ST8SIA3: variants seen among roughly 807,000 people sequenced by gnomAD.
ST8SIA3 encodes ST8 alpha-N-acetyl-neuraminide alpha-2,8-sialyltransferase 3.
A neutral mutation model predicts 34.5 loss-of-function variants in ST8SIA3; 17 were observed. The observed-to-expected ratio is 0.49, with a 90% confidence interval of 0.34 to 0.74. The LOEUF (loss-of-function observed/expected upper bound fraction) is 0.74. Among genes scored for constraint, ST8SIA3 ranks in the 30% least tolerant of loss-of-function variants. ST8SIA3 has a pLI of 0.01. For missense variants in ST8SIA3, 354 were observed against 467.8 expected, an observed-to-expected ratio of 0.76 and a Z score of 2.24; for synonymous variants, 172 against 176.1, an observed-to-expected ratio of 0.98 and a Z score of 0.19.
chr18:57,364,562 C>G lies in ST8SIA3; in HGVS notation c.*4285C>G, dbSNP rs546970507. On this transcript the variant is annotated 3_prime_UTR_variant, in exon 4 of 4. Transcript: ENST00000324000. Reference sequence around the variant, plus strand: ...TAGGCACAAGTTTCTGTTTAAGCCTCTGCTTCTCCCTGAATGTGTAGAACT... The same window carrying G: ...TAGGCACAAGTTTCTGTTTAAGCCTGTGCTTCTCCCTGAATGTGTAGAACT... The G allele has an allele frequency of 6.6e-6, 1 of 152,346 alleles. No individual in the cohort carries two copies. The highest frequency in any genetic ancestry group is 6.5e-5 in the Admixed American group (1 of 15,308). The allele number at this position is 152,346 out of a possible 1,614,324, so 9.4% of individuals were successfully genotyped here. A position where few individuals can be genotyped will look rare whatever the true frequency, so the allele number is the denominator to read the frequency against.
At position 57,360,474 on chromosome 18, in the gene ST8SIA3, G is replaced by T. The variant is rs1159549167; in HGVS notation, c.*197G>T. 1.7e-6 allele frequency: 1 copy of T among 583,208 alleles called. No homozygotes were observed. The highest frequency in any genetic ancestry group is 3.1e-5 in the Admixed American group (1 of 32,316). The allele number at this position is 583,208 out of a possible 1,614,324, so 36.1% of individuals were successfully genotyped here. A position where few individuals can be genotyped will look rare whatever the true frequency, so the allele number is the denominator to read the frequency against. On this transcript the variant is annotated 3_prime_UTR_variant, in exon 4 of 4. Coordinates refer to ENST00000324000, the MANE Select transcript of ST8SIA3 (RefSeq NM_015879.3). Reference sequence around the variant, plus strand: ...AGGACAGATGCATTGAAGCCACATGGTTTAGACTTGATTGATAAAGGGAAT... The same window carrying T: ...AGGACAGATGCATTGAAGCCACATGTTTTAGACTTGATTGATAAAGGGAAT...
Position 57,352,810 on chromosome 18 carries a change from G to A in ST8SIA3, c.-37G>A, listed in dbSNP as rs768070918. 11 of 1,597,586 alleles carry A rather than the reference G, an allele frequency of 6.9e-6. No individual in the cohort carries two copies. Among genetic ancestry groups the A allele is most frequent in the South Asian group, 1.1e-5 (1 of 90,694 alleles). ...CGAGCTGCTGGCCGCTCAATGGACC[G>A]ATTTCCCCGGTTTCCCTGAACCCAG... On this transcript the variant is annotated 5_prime_UTR_variant, in exon 1 of 4. Coordinates refer to ENST00000324000, the MANE Select transcript of ST8SIA3 (RefSeq NM_015879.3).
rs911897911 is a variant in ST8SIA3, at chr18:57,363,457, G to A, written c.*3180G>A. 2 of 152,308 alleles carry A rather than the reference G, an allele frequency of 1.3e-5. No individual in the cohort carries two copies. Among genetic ancestry groups the A allele is most frequent in the Non-Finnish European group, 2.9e-5 (2 of 68,076 alleles). The allele number at this position is 152,308 out of a possible 1,614,324, so 9.4% of individuals were successfully genotyped here. ...AGTGCTGTATGTTTAGTAGTGTTGT[G>A]TGCCTGGCAGTGCTGACTATGACTA... On this transcript the variant is annotated 3_prime_UTR_variant, in exon 4 of 4. Coordinates refer to ENST00000324000, the MANE Select transcript of ST8SIA3 (RefSeq NM_015879.3).
In ST8SIA3 at chr18:57,365,871, A is replaced by G. The variant is rs1198155992; in HGVS notation, c.*5594A>G. 1.3e-5 allele frequency: 2 copies of G among 152,210 alleles called. No individual in the cohort carries two copies. Among genetic ancestry groups the G allele is most frequent in the East Asian group, 3.8e-4 (2 of 5,200 alleles). The allele number at this position is 152,210 out of a possible 1,614,324, so 9.4% of individuals were successfully genotyped here. ...TGCACATAGAAAGGCTTTAGACAAC[A>G]GTGATACCAAAGGGTTCCTTTGATT... On this transcript the variant is annotated 3_prime_UTR_variant, in exon 4 of 4. Coordinates refer to ENST00000324000, the MANE Select transcript of ST8SIA3 (RefSeq NM_015879.3).
Position 57,360,447 on chromosome 18 carries a change from GCAGGA to G in ST8SIA3, c.*174_*178del. 5.8e-6 allele frequency: 4 copies of G among 690,430 alleles called. No individual in the cohort carries two copies. Among genetic ancestry groups the G allele is most frequent in the Non-Finnish European group, 7.1e-6 (3 of 422,242 alleles). 42.8% of individuals were successfully genotyped at this position (690,430 alleles called of 1,614,324 possible). A position where few individuals can be genotyped will look rare whatever the true frequency, so the allele number is the denominator to read the frequency against. On this transcript the variant is annotated 3_prime_UTR_variant, in exon 4 of 4. Coordinates refer to ENST00000324000, the MANE Select transcript of ST8SIA3 (RefSeq NM_015879.3). ...TCTTTTAAGAGTTTTAGCAGATTTA[GCAGGA>G]CAGATGCATTGAAGCCACATGGTTT...
chr18:57,352,772 A>C lies in ST8SIA3; in HGVS notation c.-75A>C, dbSNP rs759904404. On this transcript the variant is annotated 5_prime_UTR_variant, in exon 1 of 4. Transcript: ENST00000324000. ...CACACACACACACACACACACACAT[A>C]TATACACGCCAGCGAGCTGCTGGCC... 8.6e-7 allele frequency: 1 copy of C among 1,163,998 alleles called. No homozygotes were observed. 72.1% of individuals were successfully genotyped at this position (1,163,998 alleles called of 1,614,324 possible).
intron 1 of ST8SIA3, among the ~76,000 whole-genome samples, chr18:57,353,976 C>T (rs2049782325): frequency 6.6e-6 from 1 of 152,230 alleles, no homozygotes; most frequent in Non-Finnish European, 1.5e-5. Context: ...AGGAACCACC[C>T]CCAGACTTTC....
chr18:57,352,887 G>C lies in ST8SIA3; in HGVS notation c.41G>C (p.Gly14Ala), dbSNP rs996091813. Residue 14 changes from glycine (G) to alanine (A), a missense_variant, in exon 1 of 4, where the codon GGG becomes GCG. Gly to Ala is a moderately conservative substitution (Grantham distance 60). Coordinates refer to ENST00000324000, the MANE Select transcript of ST8SIA3 (RefSeq NM_015879.3). ...ATGGCCCGGGTCGCCAGTGTGCTGG[G>C]GCTGGTCATGCTCAGCGTCGCCCTG... ...CKMARVASVL[G>A]LVMLSVALLI... The C allele has an allele frequency of 8.7e-6, 14 of 1,613,666 alleles. No individual in the cohort carries two copies. The highest frequency in any genetic ancestry group is 1.3e-5 in the African/African-American group (1 of 74,858).
rs1431617769 is a variant in ST8SIA3 at position 57,357,278 on chromosome 18, T to A, written c.668T>A (p.Leu223Ter). ...SILEKYYNNL[L>*]TIQDRNNFFL... ...CTGGAAAAATATTACAACAATCTCT[T>A]GACTATTCAGGACCGTAACAACTTT... The change falls in exon 3 of 4, where the codon TTG (leucine) becomes TAG (stop). Residue 223 changes from leucine to a stop codon, truncating the protein, a stop_gained. Coordinates refer to ENST00000324000, the MANE Select transcript of ST8SIA3 (RefSeq NM_015879.3). LOFTEE classifies it high-confidence loss of function. The A allele has an allele frequency of 6.2e-7, 1 of 1,614,032 alleles. No homozygotes were observed. Among genetic ancestry groups the A allele is most frequent in the Non-Finnish European group, 8.5e-7 (1 of 1,179,994 alleles).
rs2049774763 is a variant in ST8SIA3, at chr18:57,353,107, GT to G, written c.179+86del. 29 of 1,457,048 alleles carry G rather than the reference GT, an allele frequency of 2.0e-5. No individual in the cohort carries two copies. The South Asian group carries it at 3.1e-4, about 16-fold the overall frequency. 90.3% of individuals were successfully genotyped at this position (1,457,048 alleles called of 1,614,324 possible). ...GGAAGGGAAGGCGTGGGGGAGGGGTGTTTTGGCCTCTCCGAGACTCTTTGGG... is the reference window on the plus strand; with the variant it reads ...GGAAGGGAAGGCGTGGGGGAGGGGTGTTTGGCCTCTCCGAGACTCTTTGGG... On this transcript the variant is annotated intron_variant, in intron 1 of 3. Coordinates refer to ENST00000324000, the MANE Select transcript of ST8SIA3 (RefSeq NM_015879.3).
In ST8SIA3 at chr18:57,362,032, G is replaced by A. The variant is rs2049834291; in HGVS notation, c.*1755G>A. On this transcript the variant is annotated 3_prime_UTR_variant, in exon 4 of 4. Coordinates refer to ENST00000324000, the MANE Select transcript of ST8SIA3 (RefSeq NM_015879.3). The stretch of plus-strand genomic sequence containing the variant: ...TTATTTTCAGAAAGCAATCTAATTA[G>A]AGCAACTTGCATAGATCTAGATATT... 6.6e-6 allele frequency: 1 copy of A among 152,144 alleles called. No individual in the cohort carries two copies. Among genetic ancestry groups the A allele is most frequent in the African/African-American group, 2.4e-5 (1 of 41,426 alleles). 9.4% of individuals were successfully genotyped at this position (152,144 alleles called of 1,614,324 possible). A position where few individuals can be genotyped will look rare whatever the true frequency, so the allele number is the denominator to read the frequency against.
In ST8SIA3 at chr18:57,363,854, G is replaced by A. The variant is rs1238132771; in HGVS notation, c.*3577G>A. 6.6e-6 allele frequency: 1 copy of A among 152,206 alleles called. No individual in the cohort carries two copies. The highest frequency in any genetic ancestry group is 1.5e-5 in the Non-Finnish European group (1 of 68,040). The allele number at this position is 152,206 out of a possible 1,614,324, so 9.4% of individuals were successfully genotyped here. A position where few individuals can be genotyped will look rare whatever the true frequency, so the allele number is the denominator to read the frequency against. The stretch of plus-strand genomic sequence containing the variant: ...AGAAAATGGAGAAACAGGGAGGCTA[G>A]GTGATTTGCCCCAGATGACACTGTC... On this transcript the variant is annotated 3_prime_UTR_variant, in exon 4 of 4. Coordinates refer to ENST00000324000, the MANE Select transcript of ST8SIA3 (RefSeq NM_015879.3).
At chr18:57,354,641 C>T in intron 2 of ST8SIA3, 117 bp downstream of exon 2, 2 of 1,204,856 alleles carry the variant, frequency 1.7e-6, no homozygotes, top group South Asian at 1.5e-5. Context: ...ATACGCCCCA[C>T]CCTCACCATC....
chr18:57,361,997 T>C lies in ST8SIA3; in HGVS notation c.*1720T>C, dbSNP rs963590415. 3 of 152,224 alleles carry C rather than the reference T, an allele frequency of 2.0e-5. No homozygotes were observed. The highest frequency in any genetic ancestry group is 7.2e-5 in the African/African-American group (3 of 41,466). The allele number at this position is 152,224 out of a possible 1,614,324, so 9.4% of individuals were successfully genotyped here. A position where few individuals can be genotyped will look rare whatever the true frequency, so the allele number is the denominator to read the frequency against. On this transcript the variant is annotated 3_prime_UTR_variant, in exon 4 of 4. Transcript: ENST00000324000. ...CTCACGTTCTGCCTGGTCCTAAACCTGCCTTATTATTATTTTCAGAAAGCA... is the reference window on the plus strand; with the variant it reads ...CTCACGTTCTGCCTGGTCCTAAACCCGCCTTATTATTATTTTCAGAAAGCA...
rs891084565 is a variant in ST8SIA3 at position 57,361,847 on chromosome 18, A to G, written c.*1570A>G. On this transcript the variant is annotated 3_prime_UTR_variant, in exon 4 of 4. Transcript: ENST00000324000. Reference sequence around the variant, plus strand: ...TGAAATCTCATCTAGATTGCTTGCAATGCGACAAATAACTGTTTAAAAAAT... The same window carrying G: ...TGAAATCTCATCTAGATTGCTTGCAGTGCGACAAATAACTGTTTAAAAAAT... 5 of 152,508 alleles carry G rather than the reference A, an allele frequency of 3.3e-5. No homozygotes were observed. The highest frequency in any genetic ancestry group is 1.2e-4 in the African/African-American group (5 of 41,446). 9.4% of individuals were successfully genotyped at this position (152,508 alleles called of 1,614,324 possible).
At chr18:57,354,302 C>T (rs1180486590) in intron 1 of ST8SIA3, 100 bp from the exon 2 acceptor site, 6 of 1,491,930 alleles carry the variant, frequency 4.0e-6, no homozygotes, top group Admixed American at 1.8e-5. Flanking sequence ...AGCCCGCACG[C>T]GTACCAGCCG....
In ST8SIA3 at chr18:57,361,578, A is replaced by C. The variant is rs2049830922; in HGVS notation, c.*1301A>C. 6.6e-6 allele frequency: 1 copy of C among 152,654 alleles called. No homozygotes were observed. Among genetic ancestry groups the C allele is most frequent in the Admixed American group, 6.5e-5 (1 of 15,282 alleles). The allele number at this position is 152,654 out of a possible 1,614,324, so 9.5% of individuals were successfully genotyped here. On this transcript the variant is annotated 3_prime_UTR_variant, in exon 4 of 4. Transcript: ENST00000324000. ...TGTGCAGTGGCAAGAGTTGGAATCC[A>C]AGATTATGTAGACCTGCGATGAAGG... is the stretch of plus-strand genomic sequence containing the variant.
At chr18:57,359,206 C>A (rs2049815516) in intron 3 of ST8SIA3, among the ~76,000 whole-genome samples, 2 of 152,162 alleles carry the variant, frequency 1.3e-5, no homozygotes, top group African/African-American at 4.8e-5. Flanking sequence ...ATACACACAC[C>A]ACATAGAAGC....
chr18:57,353,148 G>A (rs901639275), intron 1 of ST8SIA3, 123 bp downstream of exon 1: 8 of 931,016 alleles, frequency 8.6e-6, no homozygotes, highest in Non-Finnish European at 1.3e-5. Flanking sequence ...ATAACTGCGC[G>A]GTCCTTCCAC....
Sources: allele counts gnomAD v4.1 joint callset (sites outside exome capture counted in the v4.1 genomes callset), GRCh38; gene constraint gnomAD v4.1.1; transcripts MANE v1.5; gene names NCBI Gene and HGNC (gene_info 2026-07-23, HGNC 2026-07-21).